EPB41L3: variants seen among roughly 807,000 people sequenced by gnomAD.
EPB41L3 encodes the protein band 4.1-like protein 3.
Under a neutral mutation model 127.1 loss-of-function variants are expected in EPB41L3, and 57 were observed. That is an observed-to-expected ratio of 0.45 (90% CI 0.36 to 0.56). EPB41L3 has a LOEUF of 0.56. EPB41L3 is among the 20% of genes least tolerant of loss of function. EPB41L3 has a pLI of 0.00. For synonymous variants in EPB41L3, 572 were observed against 549.5 expected (o/e 1.04, Z -0.57); for missense variants, 1,273 against 1,372.2 (o/e 0.93, Z 1.14).
chr18:5,552,759 TC>T (rs2093983367), intron 3 of EPB41L3, among the ~76,000 whole-genome samples: 3 of 152,154 alleles, frequency 2.0e-5, no homozygotes, highest in Admixed American at 2.0e-4. Context: ...CAAGGTAGAA[TC>T]TATTATTACC....
At chr18:5,467,754 T>C (rs1489848713) in intron 3 of EPB41L3, among the ~76,000 whole-genome samples, 2 of 152,230 alleles carry the variant, frequency 1.3e-5, no homozygotes, top group African/African-American at 2.4e-5. Flanking sequence ...TAGATCCTTC[T>C]CCTTCTGTTT....
At chr18:5,453,978 G>C (rs1005970332) in intron 3 of EPB41L3, among the ~76,000 whole-genome samples, 1 of 152,110 alleles carries the variant, frequency 6.6e-6, no homozygotes, top group Admixed American at 6.5e-5. Context: ...AAGGTCACTT[G>C]AACTTGTCTT....
At chr18:5,627,344 C>A (rs1200954696) in intron 1 of EPB41L3, among the ~76,000 whole-genome samples, 1 of 152,148 alleles carries the variant, frequency 6.6e-6, no homozygotes, top group Non-Finnish European at 1.5e-5. Context: ...TACAAAATTT[C>A]TCTAAAATGG....
At chr18:5,433,879 A>C in intron 7 of EPB41L3, 24 bp downstream of exon 7, 1 of 1,612,836 alleles carries the variant, frequency 6.2e-7, no homozygotes, top group East Asian at 2.2e-5. Flanking sequence ...GCACAACTTA[A>C]ATGAACACCT....
intron 1 of EPB41L3, among the ~76,000 whole-genome samples, chr18:5,522,309 A>C (rs915207218): frequency 1.8e-4 from 27 of 152,016 alleles, no homozygotes; most frequent in African/African-American, 6.3e-4. Flanking sequence ...TTTTTAGTAG[A>C]GATGGAGTTT....
chr18:5,412,335 G>A (rs558504969), intron 13 of EPB41L3, among the ~76,000 whole-genome samples: 209 of 152,024 alleles, frequency 1.4e-3, no homozygotes, highest in African/African-American at 4.9e-3. Context: ...GTGGGACTAG[G>A]GAGGACTCCC....
chr18:5,509,427 G>C (rs1479951214), intron 1 of EPB41L3, among the ~76,000 whole-genome samples: 1 of 152,214 alleles, frequency 6.6e-6, no homozygotes, highest in Non-Finnish European at 1.5e-5. Context: ...GTTAAACGTG[G>C]TAGGAAGAAT....
chr18:5,561,031 G>T (rs181856520), intron 3 of EPB41L3, among the ~76,000 whole-genome samples: 1 of 139,018 alleles, frequency 7.2e-6, no homozygotes, highest in Non-Finnish European at 1.6e-5. Context: ...AGGCTGGAGT[G>T]CAGTGGCGCG....
At chr18:5,554,773 G>A (rs2094010860) in intron 3 of EPB41L3, among the ~76,000 whole-genome samples, 1 of 136,946 alleles carries the variant, frequency 7.3e-6, no homozygotes, top group Admixed American at 8.0e-5. Flanking sequence ...AATGTGACAG[G>A]ATTCAAGCAG....
At chr18:5,491,394 A>G (rs80211721) in intron 1 of EPB41L3, among the ~76,000 whole-genome samples, 22,844 of 152,224 alleles carry the variant, frequency 0.15, 1,827 homozygotes, top group Non-Finnish European at 0.17. Flanking sequence ...TCCTGAGCAA[A>G]TGAATATCCC....
chr18:5,422,388 G>T (rs2077585336), intron 11 of EPB41L3, among the ~76,000 whole-genome samples: 1 of 152,224 alleles, frequency 6.6e-6, no homozygotes. Context: ...AATGGGGAAG[G>T]CAGAGCTGAG....
chr18:5,525,196 G>A (rs926057742), intron 1 of EPB41L3, among the ~76,000 whole-genome samples: 4 of 152,124 alleles, frequency 2.6e-5, no homozygotes, highest in African/African-American at 9.7e-5. Flanking sequence ...CCCAAGTAGA[G>A]CAGGCCCCTG....
intron 3 of EPB41L3, among the ~76,000 whole-genome samples, chr18:5,467,115 T>C (rs1038630623): frequency 2.0e-5 from 3 of 152,216 alleles, no homozygotes; most frequent in African/African-American, 7.2e-5. Context: ...ATGTGATAAC[T>C]ATAGAACTTG....
intron 1 of EPB41L3, among the ~76,000 whole-genome samples, chr18:5,497,992 C>T (rs1479413910): frequency 6.6e-6 from 1 of 152,116 alleles, no homozygotes; most frequent in Non-Finnish European, 1.5e-5. Flanking sequence ...CAGAAACTTG[C>T]TATTAAAGTT....
At chr18:5,426,933 A>C (rs1001370221) in intron 9 of EPB41L3, among the ~76,000 whole-genome samples, 1 of 152,176 alleles carries the variant, frequency 6.6e-6, no homozygotes, top group Non-Finnish European at 1.5e-5. Flanking sequence ...AAGCTTACAG[A>C]TTATTTCAGT....
intron 8 of EPB41L3, 116 bp downstream of exon 8, chr18:5,433,353 G>T (rs2079259219): frequency 1.4e-6 from 1 of 704,762 alleles, no homozygotes; most frequent in Admixed American, 2.7e-5. Context: ...GCAGAGATTT[G>T]AATTCTCAGA....
intron 3 of EPB41L3, among the ~76,000 whole-genome samples, chr18:5,471,337 C>A (rs1240901191): frequency 6.6e-6 from 1 of 152,122 alleles, no homozygotes; most frequent in African/African-American, 2.4e-5. Flanking sequence ...CTCTGTGGCA[C>A]TAAAGCCACA....
chr18:5,626,640 A>G (rs963743491), intron 1 of EPB41L3, among the ~76,000 whole-genome samples: 5 of 152,252 alleles, frequency 3.3e-5, no homozygotes, highest in Non-Finnish European at 7.3e-5. Context: ...GAAGTCACAA[A>G]TTAATTCTCA....
At chr18:5,478,558 T>C (rs1029464115) in intron 2 of EPB41L3, 120 bp from the exon 3 acceptor site, 34 of 806,058 alleles carry the variant, frequency 4.2e-5, no homozygotes, top group Non-Finnish European at 6.1e-5. Context: ...AATTAGGATA[T>C]TAGGAATAGA....
Sources: gnomAD v4.1 joint callset for allele counts (sites outside exome capture counted in the v4.1 genomes callset) on GRCh38, gnomAD v4.1.1 for gene constraint, MANE v1.5 for transcripts, NCBI Gene and HGNC (gene_info 2026-07-23, HGNC 2026-07-21) for gene names.